LOXHD1: variants seen among roughly 807,000 people sequenced by gnomAD.
LOXHD1 encodes lipoxygenase homology PLAT domains 1.
In LOXHD1, 205 loss-of-function variants were observed where a neutral mutation model predicts 248.2. The observed-to-expected ratio is 0.83, with a 90% CI of 0.74 to 0.93. LOXHD1 has a LOEUF of 0.93. LOXHD1 is among the 40% of genes least tolerant of loss of function. LOXHD1 has a pLI of 0.00. For synonymous variants in LOXHD1, 1,113 were observed against 1,162.8 expected, an observed-to-expected ratio of 0.96 and a Z score of 0.87; for missense variants, 2,930 against 2,971.6, an observed-to-expected ratio of 0.99 and a Z score of 0.33.
chr18:46,556,579 C>T (rs779358486), intron 21 of LOXHD1: 158 of 163,510 alleles, frequency 9.7e-4, no homozygotes, highest in Middle Eastern at 3.1e-3. Flanking sequence ...AGCCCACCCT[C>T]ACCCTCAGAT....
At chr18:46,596,386 C>A (rs1000775282) in intron 8 of LOXHD1, among the ~76,000 whole-genome samples, 1 of 152,064 alleles carries the variant, frequency 6.6e-6, no homozygotes, top group Non-Finnish European at 1.5e-5. Flanking sequence ...AGAGAGTAGG[C>A]AAATGTGAAT....
chr18:46,593,144 G>GAA (rs141455440), intron 10 of LOXHD1, among the ~76,000 whole-genome samples: 1 of 152,062 alleles, frequency 6.6e-6, no homozygotes, highest in African/African-American at 2.4e-5. Flanking sequence ...TCCATTGGGG[G>GAA]AAAAAATCTT....
chr18:46,638,159 TTAAACTATATATGCA>T (rs1445053064), intron 4 of LOXHD1, among the ~76,000 whole-genome samples: 3 of 152,160 alleles, frequency 2.0e-5, no homozygotes, highest in Non-Finnish European at 4.4e-5. Flanking sequence ...GCCCATTCAT[TTAAACTATATATGCA>T]TAAAAAAGAC....
At chr18:46,631,851 A>G (rs753345582) in intron 4 of LOXHD1, among the ~76,000 whole-genome samples, 9 of 152,194 alleles carry the variant, frequency 5.9e-5, no homozygotes, top group Non-Finnish European at 1.2e-4. Context: ...CCACTCCACA[A>G]TCTCTGAACA....
chr18:46,514,482 C>A (rs2035141521), intron 34 of LOXHD1, among the ~76,000 whole-genome samples: 1 of 152,206 alleles, frequency 6.6e-6, no homozygotes, highest in South Asian at 2.1e-4. Context: ...AGTCTCAGAG[C>A]TTTATTGCTA....
chr18:46,647,318 A>G lies in LOXHD1; in HGVS notation c.245+1837T>C, dbSNP rs1315149204. On this transcript the variant is annotated intron_variant, in intron 2 of 40. Transcript: ENST00000642948. ...TGGAGGCTCAGTGGAAATCCATGCC[A>G]TGTTATAAAGGGTGGCTCAGGGGCC... is the stretch of plus-strand genomic sequence containing the variant. 3.3e-5 allele frequency among the ~76,000 whole-genome samples: 5 copies of G among 152,192 alleles called. No individual in the cohort carries two copies. The East Asian group carries it at 7.7e-4, about 24-fold the overall frequency.
intron 24 of LOXHD1, among the ~76,000 whole-genome samples, chr18:46,542,382 C>A (rs983323640): frequency 1.3e-5 from 2 of 152,174 alleles, no homozygotes; most frequent in Admixed American, 6.5e-5. Context: ...GCCAAGAAAT[C>A]TGTGAGTTAA....
At chr18:46,562,428 C>A (rs115177158) in intron 18 of LOXHD1, among the ~76,000 whole-genome samples, 163 of 152,324 alleles carry the variant, frequency 1.1e-3, no homozygotes, top group African/African-American at 3.6e-3. Context: ...CTAAGGGGCG[C>A]CACCCTTGCA....
intron 12 of LOXHD1, 34 bp downstream of exon 12, chr18:46,591,899 T>C (rs1468659250): frequency 3.9e-6 from 6 of 1,550,888 alleles, no homozygotes; most frequent in Non-Finnish European, 3.5e-6. Context: ...GGAGTTCCAC[T>C]GCCTCCCAGG....
At chr18:46,629,426 G>C (rs2038789503) in intron 4 of LOXHD1, among the ~76,000 whole-genome samples, 1 of 152,178 alleles carries the variant, frequency 6.6e-6, no homozygotes, top group South Asian at 2.1e-4. Flanking sequence ...ATCATGCAGG[G>C]TACTTTCATT....
Position 46,542,849 on chromosome 18 carries a change from G to T in LOXHD1, c.3626C>A (p.Thr1209Asn), listed in dbSNP as rs727504804. The T allele has an allele frequency of 6.4e-7, 1 of 1,551,640 alleles. No individual in the cohort carries two copies. The highest frequency in any genetic ancestry group is 2.4e-5 in the East Asian group (1 of 40,912). The change falls in exon 24 of 41, where the codon ACC becomes AAC. Residue 1209 changes from threonine (T) to asparagine (N), a missense_variant. Thr to Asn is a moderately conservative substitution (Grantham distance 65). Transcript: ENST00000642948. Reference protein sequence around the residue: ...LFGTQDDTGMTLLKSSKTNSD... With the variant: ...LFGTQDDTGMNLLKSSKTNSD... Reference sequence around the variant, plus strand: ...GTTTGTCTTGGAGGACTTCAGGAGGGTCATTCCTGTGGATCAGATGACCCC... The same window carrying T: ...GTTTGTCTTGGAGGACTTCAGGAGGTTCATTCCTGTGGATCAGATGACCCC...
Position 46,477,834 on chromosome 18 carries a change from C to T in LOXHD1, c.6460G>A (p.Val2154Ile), listed in dbSNP as rs182149228. 5.5e-4 allele frequency: 860 copies of T among 1,551,846 alleles called. No individual in the cohort carries two copies. Among genetic ancestry groups the T allele is most frequent in the Non-Finnish European group, 7.1e-4 (810 of 1,147,028 alleles). Residue 2154 changes from valine to isoleucine, a missense_variant, in exon 41 of 41, where the codon GTC becomes ATC. Transcript: ENST00000642948. ...FASKVQSLVP[V>I]KYEVIVTTGY... ...GTTGTCACGATGACTTCGTACTTGA[C>T]GGGCACCAGGCTCTGGACCTTGCTG... is the stretch of plus-strand genomic sequence containing the variant.
chr18:46,482,641 G>C (rs2032675094), intron 40 of LOXHD1, among the ~76,000 whole-genome samples: 1 of 152,232 alleles, frequency 6.6e-6, no homozygotes, highest in Admixed American at 6.5e-5. Flanking sequence ...GGGAGCTGCA[G>C]GTTGGACAAG....
chr18:46,538,058 T>A, intron 26 of LOXHD1, 98 bp downstream of exon 26: 1 of 1,124,202 alleles, frequency 8.9e-7, no homozygotes, highest in Non-Finnish European at 1.2e-6. Context: ...TAGCAGTGCA[T>A]CAGGATGAAG....
intron 17 of LOXHD1, 50 bp downstream of exon 17, chr18:46,566,207 C>T (rs1298351978): frequency 6.6e-7 from 1 of 1,507,656 alleles, no homozygotes; most frequent in South Asian, 1.3e-5. Flanking sequence ...CCCCTCAGCC[C>T]CATCCCCCAT....
At chr18:46,496,984 C>G (rs1321397130) in intron 37 of LOXHD1, among the ~76,000 whole-genome samples, 1 of 152,212 alleles carries the variant, frequency 6.6e-6, no homozygotes, top group Non-Finnish European at 1.5e-5. Flanking sequence ...GCCTGGGCAA[C>G]AGAGTGAGAC....
At chr18:46,569,943 G>A (rs2037719221) in intron 15 of LOXHD1, among the ~76,000 whole-genome samples, 1 of 152,212 alleles carries the variant, frequency 6.6e-6, no homozygotes, top group Non-Finnish European at 1.5e-5. Flanking sequence ...CAAAACATAA[G>A]AGCCTGAAAG....
At position 46,538,217 on chromosome 18, in the gene LOXHD1, G is replaced by T. The variant is rs1243655475; in HGVS notation, c.4034C>A (p.Thr1345Asn). The change falls in exon 26 of 41, where the codon ACC becomes AAC. Residue 1345 changes from threonine to asparagine, a missense_variant. Thr to Asn is a moderately conservative substitution (Grantham distance 65). Transcript: ENST00000642948. ...GAACTGCTTCTGTTCCCTCTTGTTGGTACACAGATACTTCTGCTGGGTGCA... is the reference window on the plus strand; with the variant it reads ...GAACTGCTTCTGTTCCCTCTTGTTGTTACACAGATACTTCTGCTGGGTGCA... ...AVCTQQKYLC[T>N]NKREQKQFFE... 2 of 1,548,038 alleles carry T rather than the reference G, an allele frequency of 1.3e-6. No individual in the cohort carries two copies.
intron 17 of LOXHD1, among the ~76,000 whole-genome samples, chr18:46,564,093 A>AGAGT (rs113795459): frequency 0.018 from 2,728 of 148,998 alleles, 101 homozygotes; most frequent in African/African-American, 0.063. Context: ...GGAGAGAGAG[A>AGAGT]GTGTGTGTGT....
Sources: gnomAD v4.1 joint callset for allele counts (sites outside exome capture counted in the v4.1 genomes callset) on GRCh38, gnomAD v4.1.1 for gene constraint, MANE v1.5 for transcripts, NCBI Gene and HGNC (gene_info 2026-07-23, HGNC 2026-07-21) for gene names.